ADGRL2: variants seen among roughly 807,000 people sequenced by gnomAD.
ADGRL2 encodes the protein adhesion G protein-coupled receptor L2, also known as calcium-independent alpha-latrotoxin receptor 2.
ADGRL2 carries 44 observed loss-of-function variants against 157.4 expected under a neutral mutation model. The observed-to-expected ratio is 0.28, with a 90% CI of 0.22 to 0.36. The LOEUF (loss-of-function observed/expected upper bound fraction) is 0.36. ADGRL2 is among the 10% of genes least tolerant of loss of function. The pLI, the probability that ADGRL2 is intolerant of heterozygous loss-of-function variation, is 1.00. For synonymous variants in ADGRL2, 585 were observed against 624.7 expected (o/e 0.94, Z 0.95); for missense variants, 1,510 against 1,768.9 (o/e 0.85, Z 2.63).
chr1:81,562,434 A>G (rs1371989263), intron 2 of ADGRL2, among the ~76,000 whole-genome samples: 2 of 152,238 alleles, frequency 1.3e-5, no homozygotes, highest in African/African-American at 2.4e-5. Flanking sequence ...CTAAATTACT[A>G]TCAAATGAAG....
chr1:81,879,310 A>G (rs2093924203), intron 2 of ADGRL2, among the ~76,000 whole-genome samples: 1 of 152,196 alleles, frequency 6.6e-6, no homozygotes, highest in African/African-American at 2.4e-5. Flanking sequence ...AATACTTAGA[A>G]GTAGTGTTTG....
chr1:81,407,708 A>C (rs2076877429), intron 1 of ADGRL2, among the ~76,000 whole-genome samples: 1 of 152,242 alleles, frequency 6.6e-6, no homozygotes, highest in South Asian at 2.1e-4. Context: ...CTAACCATTA[A>C]AGCCAAGAAA....
At chr1:81,813,226 G>C (rs980428645) in intron 1 of ADGRL2, among the ~76,000 whole-genome samples, 1 of 145,280 alleles carries the variant, frequency 6.9e-6, no homozygotes. Context: ...TTGTTGGTTG[G>C]TAAAAAATAG....
At chr1:81,938,447 A>G (rs986713072) in intron 4 of ADGRL2, among the ~76,000 whole-genome samples, 2 of 151,760 alleles carry the variant, frequency 1.3e-5, no homozygotes, top group African/African-American at 4.8e-5. Context: ...TTAAGAAAGG[A>G]AAATGTGGAT....
At chr1:81,787,140 C>A (rs2087090482) in intron 2 of ADGRL2, among the ~76,000 whole-genome samples, 1 of 152,126 alleles carries the variant, frequency 6.6e-6, no homozygotes, top group Non-Finnish European at 1.5e-5. Context: ...GATTCTGAAG[C>A]CTCCCCCGCC....
At chr1:81,310,090 C>T (rs1659641097) in intron 1 of ADGRL2, among the ~76,000 whole-genome samples, 1 of 152,052 alleles carries the variant, frequency 6.6e-6, no homozygotes, top group Non-Finnish European at 1.5e-5. Context: ...ATGAAAATTT[C>T]CCCAGCCAAA....
rs555833562 is a variant in ADGRL2 at position 81,801,564 on chromosome 1, G to A, written c.-101+496G>A. Among the ~76,000 whole-genome samples, 494 of 152,294 alleles carry A rather than the reference G, an allele frequency of 3.2e-3. 4 individuals carry two copies. Among genetic ancestry groups the A allele is most frequent in the African/African-American group, 0.011 (445 of 41,570 alleles). On this transcript the variant is annotated intron_variant, in intron 1 of 23. Transcript: ENST00000686636. ...TGCTGTGTGTGGCGTGGCTCTTCCC[G>A]GCTACTCCTTGCTTCCCCGAGCCCG...
chr1:81,722,632 T>C lies in ADGRL2; in HGVS notation c.-143+22824T>C. On this transcript the variant is annotated intron_variant, in intron 1 of 20. Coordinates refer to the ADGRL2 transcript ENST00000359929. ...TCTTGCCCTTGCCTGTAAATTGGAT[T>C]ACGATGAAGATGCTAGTACAATGCT... is the stretch of plus-strand genomic sequence containing the variant. 4 of 1,412,750 alleles carry C rather than the reference T, an allele frequency of 2.8e-6. No homozygotes were observed. The South Asian group carries it at 4.6e-5, about 16-fold the overall frequency. 87.5% of individuals were successfully genotyped at this position (1,412,750 alleles called of 1,614,324 possible).
intron 17 of ADGRL2, among the ~76,000 whole-genome samples, chr1:81,972,865 T>A (rs1029183862): frequency 6.6e-6 from 1 of 150,670 alleles, no homozygotes; most frequent in African/African-American, 2.5e-5. Flanking sequence ...TGAGCTATGA[T>A]TGCACCACTG....
intron 2 of ADGRL2, among the ~76,000 whole-genome samples, chr1:81,850,711 A>C (rs182546164): frequency 2.6e-5 from 4 of 152,056 alleles, no homozygotes; most frequent in African/African-American, 9.6e-5. Context: ...CAATACAGTA[A>C]GCCACAAGTA....
intron 2 of ADGRL2, among the ~76,000 whole-genome samples, chr1:81,775,524 A>G (rs1441064932): frequency 6.6e-6 from 1 of 152,142 alleles, no homozygotes; most frequent in Non-Finnish European, 1.5e-5. Context: ...TGGGGAGATC[A>G]AAAGAGACAT....
chr1:81,607,436 A>G (rs1440070505), intron 3 of ADGRL2, among the ~76,000 whole-genome samples: 1 of 152,198 alleles, frequency 6.6e-6, no homozygotes, highest in Admixed American at 6.5e-5. Context: ...AGAAATATCC[A>G]ACCAGGCTTT....
At chr1:81,853,031 C>T (rs1222752456) in intron 2 of ADGRL2, among the ~76,000 whole-genome samples, 1 of 152,062 alleles carries the variant, frequency 6.6e-6, no homozygotes, top group Non-Finnish European at 1.5e-5. Flanking sequence ...GGCAGCTGGT[C>T]CAGAGGAGAG....
intron 21 of ADGRL2, 168 bp downstream of exon 21, chr1:81,985,523 A>G: frequency 2.3e-6 from 1 of 439,748 alleles, no homozygotes; most frequent in Non-Finnish European, 4.1e-6. Flanking sequence ...ATATTATCCT[A>G]GGGAGTACAG....
intron 1 of ADGRL2, among the ~76,000 whole-genome samples, chr1:81,343,542 A>G (rs573036381): frequency 1.3e-5 from 2 of 152,324 alleles, no homozygotes; most frequent in African/African-American, 4.8e-5. Flanking sequence ...CCACATGCTA[A>G]GTGGCTTAAA....
chr1:81,670,150 G>A (rs905826907), intron 3 of ADGRL2, among the ~76,000 whole-genome samples: 2 of 152,022 alleles, frequency 1.3e-5, no homozygotes, highest in African/African-American at 2.4e-5. Context: ...TTAATAAATG[G>A]GTCACTTACT....
At chr1:81,669,790 A>C (rs1050359583) in intron 3 of ADGRL2, among the ~76,000 whole-genome samples, 1 of 151,984 alleles carries the variant, frequency 6.6e-6, no homozygotes, top group Non-Finnish European at 1.5e-5. Flanking sequence ...AAAATACAAA[A>C]AAATTAGCCA....
chr1:81,692,106 T>C (rs2083352561), intron 3 of ADGRL2, among the ~76,000 whole-genome samples: 1 of 151,844 alleles, frequency 6.6e-6, no homozygotes, highest in South Asian at 2.1e-4. Flanking sequence ...AGTATATATA[T>C]GTGCATAAAA....
chr1:81,836,181 C>T (rs573971328), intron 1 of ADGRL2, among the ~76,000 whole-genome samples: 49 of 152,042 alleles, frequency 3.2e-4, no homozygotes, highest in Admixed American at 9.8e-4. Flanking sequence ...CTCCCTGCTG[C>T]ACTTTGTAAA....
Sources: allele counts gnomAD v4.1 joint callset (sites outside exome capture counted in the v4.1 genomes callset), GRCh38; gene constraint gnomAD v4.1.1; transcripts MANE v1.5; gene names NCBI Gene and HGNC (gene_info 2026-07-23, HGNC 2026-07-21).